Variants in FBXL13 observed in about 807,000 individuals in gnomAD.
The protein encoded by FBXL13 is F-box and leucine rich repeat protein 13.
A neutral mutation model predicts 83.6 loss-of-function variants in FBXL13; 67 were observed. The observed-to-expected ratio is 0.80, with a 90% confidence interval of 0.66 to 0.98. The LOEUF (loss-of-function observed/expected upper bound fraction) is 0.98, where lower values mean the gene tolerates loss of function less well. Ranked by LOEUF, FBXL13 falls within the 50% of genes least tolerant of loss-of-function variation. The pLI is 0.00. For synonymous variants in FBXL13, 272 were observed against 299.5 expected (o/e 0.91, Z 0.95); for missense variants, 822 against 866.5 (o/e 0.95, Z 0.64).
intron 17 of FBXL13, among the ~76,000 whole-genome samples, chr7:102,833,676 C>T (rs1801150096): frequency 6.6e-6 from 1 of 151,656 alleles, no homozygotes. Flanking sequence ...AAGTGATCCA[C>T]CCTCCCAAAG....
intron 8 of FBXL13, among the ~76,000 whole-genome samples, chr7:102,951,896 T>C (rs902191965): frequency 6.6e-6 from 1 of 151,644 alleles, no homozygotes; most frequent in African/African-American, 2.4e-5. Context: ...TTTTTGAATA[T>C]CCATATTTAT....
At chr7:102,913,023 T>C in intron 11 of FBXL13, 63 bp downstream of exon 12, 2 of 1,609,796 alleles carry the variant, frequency 1.2e-6, no homozygotes, top group Non-Finnish European at 1.7e-6. Context: ...GAGGGCTGAA[T>C]GCAGCCCATT....
chr7:102,932,991 G>C (rs1029903251), intron 8 of FBXL13: 6 of 152,220 alleles, frequency 3.9e-5, no homozygotes, highest in African/African-American at 1.2e-4. Context: ...CCCTTAAGGA[G>C]TTTACTTTCT....
At chr7:102,967,090 C>T (rs1438112109) in intron 7 of FBXL13, among the ~76,000 whole-genome samples, 2 of 152,094 alleles carry the variant, frequency 1.3e-5, no homozygotes, top group Non-Finnish European at 2.9e-5. Flanking sequence ...CTGCCTCAGC[C>T]TCCCGAGTAG....
intron 2 of FBXL13, among the ~76,000 whole-genome samples, chr7:103,044,142 G>A (rs1379254738): frequency 3.3e-5 from 5 of 152,114 alleles, no homozygotes; most frequent in East Asian, 1.9e-4. Context: ...CATGAAATAC[G>A]GGAAACAGAG....
chr7:102,897,776 A>T (rs17135912), intron 11 of FBXL13, among the ~76,000 whole-genome samples: 4,394 of 152,176 alleles, frequency 0.029, 180 homozygotes, highest in East Asian at 0.16. Context: ...CCTTATTGAG[A>T]TCTGACACTT....
At chr7:102,998,759 G>A (rs1309441398) in intron 6 of FBXL13, among the ~76,000 whole-genome samples, 1 of 151,896 alleles carries the variant, frequency 6.6e-6, no homozygotes, top group Non-Finnish European at 1.5e-5. Flanking sequence ...TTGAGCCCAG[G>A]AATTCGAGAC....
rs529497478 is a variant in FBXL13 at position 102,881,171 on chromosome 7, C to T, written c.1388+2134G>A. ...TCCATTTAAGATTAATTAGGCAAGG[C>T]GCAGTGGCTCACGCCTGTAATCCCA... On this transcript the variant is annotated intron_variant, in intron 14 of 19. Coordinates refer to ENST00000313221, the Ensembl canonical transcript of FBXL13. Among the ~76,000 whole-genome samples the T allele has an allele frequency of 8.5e-5, 13 of 152,204 alleles. No homozygotes were observed. The South Asian group carries it at 1.9e-3, about 22-fold the overall frequency.
intron 16 of FBXL13, among the ~76,000 whole-genome samples, chr7:102,860,042 A>G (rs969649061): frequency 1.3e-5 from 2 of 152,326 alleles, no homozygotes; most frequent in Non-Finnish European, 2.9e-5. Context: ...TTATAGCTCC[A>G]GTATCACGTT....
At chr7:102,822,423 T>G (rs1320239348) in intron 18 of FBXL13, 2 of 660,876 alleles carry the variant, frequency 3.0e-6, no homozygotes, top group Non-Finnish European at 5.6e-6. Flanking sequence ...TATTTGCAGA[T>G]GCCTCCATTC....
At chr7:102,950,378 G>A (rs1199853796) in intron 8 of FBXL13, among the ~76,000 whole-genome samples, 4 of 152,202 alleles carry the variant, frequency 2.6e-5, no homozygotes, top group Admixed American at 1.3e-4. Flanking sequence ...TGAGGATGTG[G>A]AGCAACAGGA....
intron 8 of FBXL13, chr7:102,934,324 G>T: frequency 6.2e-7 from 1 of 1,614,124 alleles, no homozygotes; most frequent in Non-Finnish European, 8.5e-7. Flanking sequence ...TCTTACTGCA[G>T]CACAACCAGA....
Position 103,033,670 on chromosome 7 carries a change from T to C in FBXL13, c.1-4252A>G, listed in dbSNP as rs573093549. ...GCTTCAGGAGTGAAGCTGCAGACCTTCACGGTGAGTGTTACAGCTCATAAA... is the reference window on the plus strand; with the variant it reads ...GCTTCAGGAGTGAAGCTGCAGACCTCCACGGTGAGTGTTACAGCTCATAAA... On this transcript the variant is annotated intron_variant, in intron 2 of 19. Transcript: ENST00000313221. Among the ~76,000 whole-genome samples, 43 of 152,252 alleles carry C rather than the reference T, an allele frequency of 2.8e-4. 1 individual carries two copies. In the South Asian group the frequency reaches 8.5e-3, roughly 30 times the overall value.
intron 14 of FBXL13, among the ~76,000 whole-genome samples, chr7:102,879,439 A>ATGTGTGTGTG (rs139051886): frequency 0.047 from 6,774 of 144,734 alleles, 447 homozygotes; most frequent in African/African-American, 0.15. Flanking sequence ...GCAGTTAAGG[A>ATGTGTGTGTG]TGTGTGTGTG....
At position 102,948,542 on chromosome 7, in the gene FBXL13, G is replaced by C. The variant is rs1585089817; in HGVS notation, c.724+14991C>G. Among the ~76,000 whole-genome samples, 8 of 152,064 alleles carry C rather than the reference G, an allele frequency of 5.3e-5. No individual in the cohort carries two copies. The South Asian group carries it at 1.7e-3, about 32-fold the overall frequency. ...GGGTTCAAGCAATTCTCCTGCCTCA[G>C]CTTCCTGAGTAGCTAGGACTACAGG... is the stretch of plus-strand genomic sequence containing the variant. On this transcript the variant is annotated intron_variant, in intron 8 of 19. Coordinates refer to ENST00000313221, the Ensembl canonical transcript of FBXL13.
intron 2 of FBXL13, among the ~76,000 whole-genome samples, chr7:103,037,087 T>C (rs1795145021): frequency 6.6e-6 from 1 of 152,230 alleles, no homozygotes; most frequent in Non-Finnish European, 1.5e-5. Flanking sequence ...ATATCATTAT[T>C]ATATGTTACA....
chr7:102,842,471 G>T (rs891309251), intron 17 of FBXL13, among the ~76,000 whole-genome samples: 4 of 152,238 alleles, frequency 2.6e-5, no homozygotes, highest in Admixed American at 1.3e-4. Flanking sequence ...GCACCAGGGG[G>T]TGGAGTCTAT....
At chr7:102,999,246 A>G (rs1790141640) in intron 6 of FBXL13, among the ~76,000 whole-genome samples, 1 of 152,158 alleles carries the variant, frequency 6.6e-6, no homozygotes, top group Non-Finnish European at 1.5e-5. Flanking sequence ...ATGTTGAACC[A>G]TCTTTGCATC....
At position 102,939,582 on chromosome 7, in the gene FBXL13, C is replaced by A. The variant is rs61735950; in HGVS notation, c.725-7649G>T. The stretch of plus-strand genomic sequence containing the variant: ...CAGCAATGGCATTGAATTCATCGAT[C>A]CTGGTAAGTTCCCCTGTATAGCCCC... On this transcript the variant is annotated intron_variant, in intron 8 of 19. Coordinates refer to ENST00000313221, the Ensembl canonical transcript of FBXL13. 18 of 1,612,340 alleles carry A rather than the reference C, an allele frequency of 1.1e-5. No homozygotes were observed. The African/African-American group carries it at 2.4e-4, about 22-fold the overall frequency.
Sources: gnomAD v4.1 joint callset for allele counts (sites outside exome capture counted in the v4.1 genomes callset) on GRCh38, gnomAD v4.1.1 for gene constraint, MANE v1.5 for transcripts, NCBI Gene and HGNC (gene_info 2026-07-23, HGNC 2026-07-21) for gene names.